Variants in SH3RF2 observed in about 807,000 individuals in gnomAD.
SH3RF2 encodes the protein SH3 domain containing ring finger 2.
SH3RF2 carries 43 observed loss-of-function variants against 59.0 expected under a neutral mutation model. That is an observed-to-expected ratio of 0.73 (90% CI 0.57 to 0.94). The LOEUF is 0.94. Ranked by LOEUF, SH3RF2 falls within the 40% of genes least tolerant of loss-of-function variation. SH3RF2 has a pLI of 0.00. For missense variants in SH3RF2, 930 were observed against 940.1 expected, an observed-to-expected ratio of 0.99 and a Z score of 0.14; for synonymous variants, 391 against 391.5, an observed-to-expected ratio of 1.00 and a Z score of 0.01.
intron 2 of SH3RF2, chr5:145,997,303 A>T (rs1760203291): frequency 2.9e-6 from 3 of 1,028,332 alleles, no homozygotes; most frequent in Admixed American, 3.4e-5. Flanking sequence ...TCCAAAAAGC[A>T]GCTAGTGAAA....
At chr5:146,047,908 G>T in intron 6 of SH3RF2, 45 bp downstream of exon 6, 1 of 1,571,504 alleles carries the variant, frequency 6.4e-7, no homozygotes, top group Non-Finnish European at 8.7e-7. Flanking sequence ...GGCACAAAGG[G>T]GTCATCTTTA....
intron 2 of SH3RF2, among the ~76,000 whole-genome samples, chr5:145,951,432 A>C (rs1437665694): frequency 6.6e-6 from 1 of 152,204 alleles, no homozygotes; most frequent in Non-Finnish European, 1.5e-5. Flanking sequence ...TGGTTCTCTG[A>C]AACTACATAG....
rs1465120488 is a variant in SH3RF2, at chr5:145,992,477, T to G, written c.379-7581T>G. ...TGAACTTGGGCAACTTTTAAATTTT[T>G]TGTATTAGTCTGTTTTCACACTGCT... is the stretch of plus-strand genomic sequence containing the variant. On this transcript the variant is annotated intron_variant, in intron 2 of 9. Transcript: ENST00000359120. Among the ~76,000 whole-genome samples the G allele has an allele frequency of 2.0e-5, 3 of 152,244 alleles. No individual in the cohort carries two copies. The East Asian group carries it at 5.8e-4, about 29-fold the overall frequency.
downstream of SH3RF2, among the ~76,000 whole-genome samples, chr5:146,064,788 G>A (rs1487343653): frequency 9.7e-4 from 18 of 18,566 alleles, no homozygotes; most frequent in African/African-American, 2.5e-3. Context: ...AGGAAGGAAG[G>A]AAGGAAGGAA....
intron 2 of SH3RF2, among the ~76,000 whole-genome samples, chr5:145,989,029 C>G (rs1759829400): frequency 6.6e-6 from 1 of 152,170 alleles, no homozygotes. Flanking sequence ...TGACCCCTTA[C>G]CTTATCAGTG....
downstream of SH3RF2, among the ~76,000 whole-genome samples, chr5:146,063,637 A>C (rs1762973914): frequency 6.6e-6 from 1 of 152,184 alleles, no homozygotes; most frequent in Non-Finnish European, 1.5e-5. Flanking sequence ...AGGTGGGCAG[A>C]CCACTTGAGG....
intron 5 of SH3RF2, among the ~76,000 whole-genome samples, chr5:146,047,117 G>A (rs1762331163): frequency 6.6e-6 from 1 of 150,870 alleles, no homozygotes; most frequent in African/African-American, 2.5e-5. Context: ...AAAAGTGAAA[G>A]GGATTCAAAT....
chr5:146,009,156 T>G (rs1760773165), intron 4 of SH3RF2, among the ~76,000 whole-genome samples: 1 of 152,226 alleles, frequency 6.6e-6, no homozygotes, highest in South Asian at 2.1e-4. Context: ...AGGAGTGGAA[T>G]TGATGGGTCA....
intron 5 of SH3RF2, among the ~76,000 whole-genome samples, chr5:146,045,808 T>C (rs1762280244): frequency 6.6e-6 from 1 of 152,370 alleles, no homozygotes; most frequent in East Asian, 1.9e-4. Flanking sequence ...AGTTTTTGTG[T>C]GGACACATGT....
At chr5:146,039,427 A>T (rs1006151739) in intron 5 of SH3RF2, among the ~76,000 whole-genome samples, 2 of 152,144 alleles carry the variant, frequency 1.3e-5, no homozygotes, top group Non-Finnish European at 2.9e-5. Context: ...CCCATGGAAG[A>T]GCGGGATACG....
chr5:145,947,921 T>C (rs910699292), intron 2 of SH3RF2, among the ~76,000 whole-genome samples: 8 of 152,198 alleles, frequency 5.3e-5, no homozygotes, highest in African/African-American at 1.7e-4. Flanking sequence ...GTAAACCACA[T>C]ACCACTTAAA....
chr5:145,992,045 C>G (rs1207380585), intron 2 of SH3RF2, among the ~76,000 whole-genome samples: 1 of 152,050 alleles, frequency 6.6e-6, no homozygotes, highest in African/African-American at 2.4e-5. Flanking sequence ...TTAACACCTC[C>G]CAGATTCTCA....
chr5:145,937,651 C>G (rs111791951), intron 1 of SH3RF2, among the ~76,000 whole-genome samples, 172 bp from the exon 2 acceptor site: 1 of 152,266 alleles, frequency 6.6e-6, no homozygotes, highest in African/African-American at 2.4e-5. Context: ...TCACAGCAAG[C>G]ACGAGTTGAG....
chr5:145,946,989 A>T (rs1561703873), intron 2 of SH3RF2, among the ~76,000 whole-genome samples: 1 of 152,132 alleles, frequency 6.6e-6, no homozygotes, highest in Non-Finnish European at 1.5e-5. Flanking sequence ...TACACATAAC[A>T]TAAAATCTAC....
intron 5 of SH3RF2, among the ~76,000 whole-genome samples, chr5:146,040,698 G>A (rs1178965166): frequency 6.6e-6 from 1 of 152,184 alleles, no homozygotes; most frequent in Non-Finnish European, 1.5e-5. Context: ...TCATAAATGA[G>A]TTCTCTATCT....
intron 7 of SH3RF2, among the ~76,000 whole-genome samples, chr5:146,053,927 GC>G (rs1418454896): frequency 1.3e-5 from 2 of 152,300 alleles, no homozygotes; most frequent in East Asian, 3.9e-4. Flanking sequence ...TGTTTGTGAT[GC>G]CCTTTTTGAA....
intron 4 of SH3RF2, among the ~76,000 whole-genome samples, chr5:146,009,938 T>C (rs1038754934): frequency 2.0e-5 from 3 of 152,248 alleles, no homozygotes; most frequent in Non-Finnish European, 4.4e-5. Context: ...TGCAGGTTTG[T>C]TACACATGTA....
At chr5:146,049,544 C>T (rs1762420729) in intron 7 of SH3RF2, among the ~76,000 whole-genome samples, 1 of 152,116 alleles carries the variant, frequency 6.6e-6, no homozygotes, top group African/African-American at 2.4e-5. Context: ...AAGCAACTTG[C>T]TCAAGAACTG....
At chr5:146,073,257 C>T (rs370348900) in intron 9 of SH3RF2, among the ~76,000 whole-genome samples, 15 of 152,240 alleles carry the variant, frequency 9.9e-5, no homozygotes, top group African/African-American at 3.1e-4. Flanking sequence ...GTGGTCCCCA[C>T]GGCCTCACCA....
Sources: allele counts gnomAD v4.1 joint callset (sites outside exome capture counted in the v4.1 genomes callset), GRCh38; gene constraint gnomAD v4.1.1; transcripts MANE v1.5; gene names NCBI Gene and HGNC (gene_info 2026-07-23, HGNC 2026-07-21).